The following GALNTL6 variants were observed in gnomAD, a reference collection of about 807,000 sequenced individuals.
GALNTL6 encodes polypeptide N-acetylgalactosaminyltransferase-like 6.
Under a neutral mutation model 73.7 loss-of-function variants are expected in GALNTL6, and 46 were observed. The ratio of observed to expected loss-of-function variants is 0.62; its 90% CI spans 0.49 to 0.80. GALNTL6 has a LOEUF of 0.80. GALNTL6 is among the 30% of genes least tolerant of loss of function. The pLI is 0.00. For synonymous variants in GALNTL6, 259 were observed against 263.7 expected (o/e 0.98, Z 0.17); for missense variants, 604 against 755.0 (o/e 0.80, Z 2.34).
chr4:171,877,428 T>A (rs112891939), intron 2 of GALNTL6, among the ~76,000 whole-genome samples: 7 of 152,266 alleles, frequency 4.6e-5, no homozygotes, highest in African/African-American at 1.7e-4. Flanking sequence ...TAGGGCTAAG[T>A]GAGGTTCAGA....
intron 5 of GALNTL6, among the ~76,000 whole-genome samples, chr4:172,425,719 A>C (rs753123915): frequency 2.0e-5 from 3 of 152,124 alleles, no homozygotes; most frequent in African/African-American, 7.2e-5. Context: ...TTCTGCTTAC[A>C]TCAGAGACCT....
At chr4:172,266,466 C>T (rs1368189912) in intron 3 of GALNTL6, 1 of 152,102 alleles carries the variant, frequency 6.6e-6, no homozygotes, top group East Asian at 1.9e-4. Context: ...ATTTCAGCAA[C>T]TTAAAAATTG....
intron 5 of GALNTL6, among the ~76,000 whole-genome samples, chr4:172,790,055 A>G (rs1015316939): frequency 3.3e-5 from 5 of 152,246 alleles, no homozygotes; most frequent in African/African-American, 7.2e-5. Flanking sequence ...TTAACCTCCA[A>G]TAAAAACTAT....
intron 5 of GALNTL6, among the ~76,000 whole-genome samples, chr4:172,595,624 G>A (rs915205225): frequency 6.6e-6 from 1 of 152,134 alleles, no homozygotes; most frequent in Non-Finnish European, 1.5e-5. Context: ...ATGAGGGGAA[G>A]GTAACAAAGT....
rs181447378 is a variant in GALNTL6, at chr4:172,707,625, G to A, written c.554-101736G>A. ...AAATTATTCTGCATTTGTTAAAATC[G>A]TAAGGAAGACTTTATTCAGACCTGT... On this transcript the variant is annotated intron_variant, in intron 5 of 12. Coordinates refer to ENST00000506823, the MANE Select transcript of GALNTL6 (RefSeq NM_001034845.3). Among the ~76,000 whole-genome samples the A allele has an allele frequency of 1.3e-4, 20 of 152,202 alleles. 1 individual carries two copies. The East Asian group carries it at 2.9e-3, about 22-fold the overall frequency.
At chr4:172,044,175 T>G (rs1178322893) in intron 2 of GALNTL6, among the ~76,000 whole-genome samples, 2 of 151,984 alleles carry the variant, frequency 1.3e-5, no homozygotes, top group African/African-American at 4.8e-5. Flanking sequence ...CATTCTACCA[T>G]ATTTTAGTTA....
At chr4:171,976,712 C>G (rs555883434) in intron 2 of GALNTL6, among the ~76,000 whole-genome samples, 1 of 152,232 alleles carries the variant, frequency 6.6e-6, no homozygotes, top group African/African-American at 2.4e-5. Flanking sequence ...TATGAAATAA[C>G]TGTGAGTCGT....
intron 2 of GALNTL6, among the ~76,000 whole-genome samples, chr4:172,041,395 A>G (rs1486182743): frequency 1.3e-5 from 2 of 152,110 alleles, no homozygotes; most frequent in African/African-American, 4.8e-5. Context: ...TAATGCAGTC[A>G]TTGAGAATAT....
At chr4:172,920,075 A>G (rs1747720493) in intron 8 of GALNTL6, among the ~76,000 whole-genome samples, 1 of 152,186 alleles carries the variant, frequency 6.6e-6, no homozygotes, top group Non-Finnish European at 1.5e-5. Flanking sequence ...TTATACTGAC[A>G]CAACAGAGCA....
Position 172,286,714 on chromosome 4 carries a change from C to T in GALNTL6, c.248-24900C>T, listed in dbSNP as rs187486211. On this transcript the variant is annotated intron_variant, in intron 3 of 12. Transcript: ENST00000506823. ...GGCAGCGATGGTGGTTGGGGGAGGA[C>T]GGTGCACAATATTAGGTTCTGGAAG... 1.7e-3 allele frequency among the ~76,000 whole-genome samples: 255 copies of T among 152,034 alleles called. 4 individuals carry two copies. The highest frequency in any genetic ancestry group is 5.4e-4 in the Non-Finnish European group (37 of 67,974).
intron 5 of GALNTL6, among the ~76,000 whole-genome samples, chr4:172,350,889 T>G (rs917451405): frequency 1.5e-4 from 23 of 152,110 alleles, no homozygotes; most frequent in Non-Finnish European, 3.1e-4. Context: ...ATTAATGTAA[T>G]GAACACAGGT....
At chr4:171,891,587 A>G (rs1736764593) in intron 2 of GALNTL6, among the ~76,000 whole-genome samples, 2 of 152,218 alleles carry the variant, frequency 1.3e-5, no homozygotes, top group African/African-American at 2.4e-5. Context: ...AGCAAATTTC[A>G]AAGTCTTTCG....
At chr4:171,901,199 C>T (rs1737082558) in intron 2 of GALNTL6, among the ~76,000 whole-genome samples, 1 of 152,130 alleles carries the variant, frequency 6.6e-6, no homozygotes, top group African/African-American at 2.4e-5. Context: ...CCCTCTACCT[C>T]CAGACTATAT....
chr4:172,005,436 T>C (rs1740813507), intron 2 of GALNTL6, among the ~76,000 whole-genome samples: 1 of 152,108 alleles, frequency 6.6e-6, no homozygotes, highest in Non-Finnish European at 1.5e-5. Flanking sequence ...CTTAAAAAGC[T>C]TCAAAGAAAC....
intron 10 of GALNTL6, among the ~76,000 whole-genome samples, chr4:172,997,049 C>T (rs1409716496): frequency 6.6e-6 from 1 of 152,076 alleles, no homozygotes; most frequent in Non-Finnish European, 1.5e-5. Flanking sequence ...TTGGCAGCCC[C>T]GAGTGTTAAA....
At chr4:172,621,135 T>C (rs3098318) in intron 5 of GALNTL6, among the ~76,000 whole-genome samples, 2,560 of 152,324 alleles carry the variant, frequency 0.017, 68 homozygotes, top group African/African-American at 0.055. Flanking sequence ...ATAGGAGAAA[T>C]GCAGAATTTC....
chr4:172,375,195 A>T (rs1288339703), intron 5 of GALNTL6, among the ~76,000 whole-genome samples: 1 of 152,136 alleles, frequency 6.6e-6, no homozygotes. Flanking sequence ...ATAGTTGTGT[A>T]TTCTCCCTCA....
chr4:172,872,907 AGCAAAAG>A (rs1469439856), intron 7 of GALNTL6, among the ~76,000 whole-genome samples: 15 of 152,320 alleles, frequency 9.8e-5, no homozygotes, highest in African/African-American at 3.6e-4. Context: ...CCATGGCACT[AGCAAAAG>A]TGCCTCATCT....
intron 3 of GALNTL6, among the ~76,000 whole-genome samples, chr4:172,273,929 G>A (rs1305045730): frequency 1.3e-5 from 2 of 152,140 alleles, no homozygotes; most frequent in African/African-American, 4.8e-5. Flanking sequence ...GCAGTCAGGA[G>A]ACTGTACACA....
Sources: gnomAD v4.1 joint callset for allele counts (sites outside exome capture counted in the v4.1 genomes callset) on GRCh38, gnomAD v4.1.1 for gene constraint, MANE v1.5 for transcripts, NCBI Gene and HGNC (gene_info 2026-07-23, HGNC 2026-07-21) for gene names.